The following RAP1GDS1 variants were observed in gnomAD, a reference collection of about 807,000 sequenced individuals.
RAP1GDS1 encodes the protein Rap1 GTPase-GDP dissociation stimulator 1, also known as RAP1, GTP-GDP dissociation stimulator 1.
A neutral mutation model predicts 71.1 loss-of-function variants in RAP1GDS1; 35 were observed. The ratio of observed to expected loss-of-function variants is 0.49; its 90% CI spans 0.38 to 0.65. The LOEUF (loss-of-function observed/expected upper bound fraction) is 0.65. Among genes scored for constraint, RAP1GDS1 ranks in the 30% least tolerant of loss-of-function variants. RAP1GDS1 has a pLI of 0.00. For missense variants in RAP1GDS1, 663 were observed against 706.1 expected (o/e 0.94, Z 0.69); for synonymous variants, 229 against 243.1 (o/e 0.94, Z 0.54).
At position 98,318,988 on chromosome 4, in the gene RAP1GDS1, G is replaced by C. The variant is rs189143983; in HGVS notation, c.113-24151G>C. 1.0e-3 allele frequency among the ~76,000 whole-genome samples: 154 copies of C among 152,176 alleles called. 1 individual carries two copies. Among genetic ancestry groups the C allele is most frequent in the African/African-American group, 3.2e-3 (133 of 41,502 alleles). On this transcript the variant is annotated intron_variant, in intron 2 of 14. Transcript: ENST00000408927. Reference sequence around the variant, plus strand: ...AAGGGGCAACTGCTGTAGTTCTCTGGGGGGGGAAATGAGGTTCTGGAACCA... The same window carrying C: ...AAGGGGCAACTGCTGTAGTTCTCTGCGGGGGGAAATGAGGTTCTGGAACCA...
In RAP1GDS1 at chr4:98,417,314, G is replaced by A. The variant is rs974457375; in HGVS notation, c.908-53G>A. On this transcript the variant is annotated intron_variant, in intron 8 of 14. Coordinates refer to ENST00000408927, the MANE Select transcript of RAP1GDS1 (RefSeq NM_001100427.2). ...GATATTCACCTAAGAATGTGAATTT[G>A]TTACTCCTAGTTATTTTTCTCTTGC... The A allele has an allele frequency of 1.5e-5, 23 of 1,542,172 alleles. No homozygotes were observed. In the South Asian group the frequency reaches 2.2e-4, roughly 15 times the overall value.
chr4:98,440,766 G>A (rs547849599), intron 14 of RAP1GDS1, among the ~76,000 whole-genome samples: 21 of 152,286 alleles, frequency 1.4e-4, no homozygotes, highest in African/African-American at 5.1e-4. Context: ...TGCCCAGGCT[G>A]CAGTGCAATG....
chr4:98,376,858 AGAG>A (rs1462271832), intron 4 of RAP1GDS1, among the ~76,000 whole-genome samples: 3 of 151,976 alleles, frequency 2.0e-5, no homozygotes, highest in South Asian at 2.1e-4. Flanking sequence ...GGGTGGAAGG[AGAG>A]GAGGAGAAGA....
chr4:98,402,721 G>A (rs1745610960), intron 6 of RAP1GDS1, among the ~76,000 whole-genome samples: 1 of 152,098 alleles, frequency 6.6e-6, no homozygotes, highest in African/African-American at 2.4e-5. Context: ...CCAGAGACTA[G>A]CGAGCAGAAT....
At chr4:98,345,520 C>G (rs1427840194) in intron 3 of RAP1GDS1, among the ~76,000 whole-genome samples, 1 of 151,862 alleles carries the variant, frequency 6.6e-6, no homozygotes, top group Non-Finnish European at 1.5e-5. Flanking sequence ...ATGTATTATT[C>G]CCTTATATAA....
intron 4 of RAP1GDS1, among the ~76,000 whole-genome samples, chr4:98,365,793 C>T (rs945212120): frequency 4.6e-5 from 7 of 152,018 alleles, no homozygotes; most frequent in Non-Finnish European, 1.0e-4. Context: ...TCTCTATTGG[C>T]ACAGCAAAGT....
chr4:98,298,151 A>G (rs1207752512), intron 2 of RAP1GDS1, among the ~76,000 whole-genome samples: 1 of 152,182 alleles, frequency 6.6e-6, no homozygotes, highest in Non-Finnish European at 1.5e-5. Context: ...AAAGTTGGAC[A>G]CTAGCAGAGG....
At chr4:98,405,677 T>C (rs148498734) in intron 7 of RAP1GDS1, among the ~76,000 whole-genome samples, 1 of 152,044 alleles carries the variant, frequency 6.6e-6, no homozygotes, top group East Asian at 1.9e-4. Flanking sequence ...ATACTGAAAA[T>C]GTAGAAAACC....
chr4:98,337,084 G>A (rs1315231422), intron 2 of RAP1GDS1, among the ~76,000 whole-genome samples: 3 of 151,980 alleles, frequency 2.0e-5, no homozygotes, highest in African/African-American at 7.2e-5. Flanking sequence ...TAGTAGAGAT[G>A]AGGTTTCACC....
intron 2 of RAP1GDS1, among the ~76,000 whole-genome samples, chr4:98,342,026 CT>C (rs1406250576): frequency 6.6e-6 from 1 of 152,006 alleles, no homozygotes; most frequent in Non-Finnish European, 1.5e-5. Context: ...GTTGTTAATT[CT>C]TTTATTTTAA....
intron 4 of RAP1GDS1, among the ~76,000 whole-genome samples, chr4:98,362,706 T>C (rs577116691): frequency 1.3e-5 from 2 of 152,318 alleles, no homozygotes; most frequent in South Asian, 4.2e-4. Flanking sequence ...AAACTTCCTT[T>C]TTAACACCAC....
intron 1 of RAP1GDS1, among the ~76,000 whole-genome samples, chr4:98,266,334 C>T (rs1397699681): frequency 6.6e-6 from 1 of 151,986 alleles, no homozygotes; most frequent in Non-Finnish European, 1.5e-5. Flanking sequence ...TGGCATTTTG[C>T]CTAAACAATA....
intron 1 of RAP1GDS1, among the ~76,000 whole-genome samples, chr4:98,267,258 C>T (rs1200451426): frequency 1.3e-5 from 2 of 151,934 alleles, no homozygotes; most frequent in Admixed American, 1.3e-4. Context: ...GAAGTATTTC[C>T]CTTCATTGTT....
intron 6 of RAP1GDS1, among the ~76,000 whole-genome samples, chr4:98,400,351 T>TACAC: frequency 6.6e-6 from 1 of 151,064 alleles, no homozygotes; most frequent in Non-Finnish European, 1.5e-5. Flanking sequence ...TATATGTATA[T>TACAC]ACACACACAC....
Position 98,343,249 on chromosome 4 carries a change from G to A in RAP1GDS1, c.223G>A (p.Val75Ile). 1 of 1,604,754 alleles carries A rather than the reference G, an allele frequency of 6.2e-7. No homozygotes were observed. The highest frequency in any genetic ancestry group is 8.5e-7 in the Non-Finnish European group (1 of 1,171,552). Reference protein sequence around the residue: ...KAKVANIIAEVAKNEFMRIPC... With the variant: ...KAKVANIIAEIAKNEFMRIPC... Reference sequence around the variant, plus strand: ...CAAAGTAGCTAACATCATAGCAGAAGTAGCCAAAAATGGTGAGGTTTACCT... The same window carrying A: ...CAAAGTAGCTAACATCATAGCAGAAATAGCCAAAAATGGTGAGGTTTACCT... The change falls in exon 3 of 15, where the codon GTA becomes ATA. Residue 75 changes from valine (V) to isoleucine (I), a missense_variant. Val to Ile is a conservative substitution (Grantham distance 29). Coordinates refer to ENST00000408927, the MANE Select transcript of RAP1GDS1 (RefSeq NM_001100427.2).
intron 2 of RAP1GDS1, among the ~76,000 whole-genome samples, chr4:98,325,404 C>T (rs1211439301): frequency 6.6e-6 from 1 of 151,298 alleles, no homozygotes; most frequent in Admixed American, 6.6e-5. Context: ...CCATTTGACC[C>T]AGCCATCCCA....
intron 2 of RAP1GDS1, among the ~76,000 whole-genome samples, chr4:98,297,541 G>C (rs570883127): frequency 2.6e-5 from 4 of 152,210 alleles, no homozygotes; most frequent in Admixed American, 6.5e-5. Flanking sequence ...GGTAATCTGT[G>C]TCAATGATCT....
At chr4:98,400,092 G>A (rs1217982412) in intron 6 of RAP1GDS1, among the ~76,000 whole-genome samples, 1 of 152,058 alleles carries the variant, frequency 6.6e-6, no homozygotes, top group Non-Finnish European at 1.5e-5. Context: ...TGTTGAGTCA[G>A]GTTGCAGTGA....
intron 4 of RAP1GDS1, 28 bp downstream of exon 4, chr4:98,352,629 A>G (rs2110422425): frequency 6.2e-7 from 1 of 1,607,088 alleles, no homozygotes; most frequent in Non-Finnish European, 8.5e-7. Context: ...AATAATACAC[A>G]TACATTTTTA....
Sources: allele counts gnomAD v4.1 joint callset (sites outside exome capture counted in the v4.1 genomes callset), GRCh38; gene constraint gnomAD v4.1.1; transcripts MANE v1.5; gene names NCBI Gene and HGNC (gene_info 2026-07-23, HGNC 2026-07-21).